Variants in MAP3K13 observed in about 807,000 individuals in gnomAD.
MAP3K13 encodes the protein mitogen-activated protein kinase kinase kinase 13.
Under a neutral mutation model 104.0 loss-of-function variants are expected in MAP3K13, and 52 were observed. That is an observed-to-expected ratio of 0.50 (90% CI 0.40 to 0.63). The LOEUF (loss-of-function observed/expected upper bound fraction) is 0.63. MAP3K13 is among the 20% of genes least tolerant of loss of function. The pLI is 0.00. For missense variants in MAP3K13, 914 were observed against 1,218.5 expected (o/e 0.75, Z 3.72); for synonymous variants, 394 against 442.2 (o/e 0.89, Z 1.37).
intron 2 of MAP3K13, among the ~76,000 whole-genome samples, chr3:185,341,899 T>C (rs953687981): frequency 1.3e-5 from 2 of 152,230 alleles, no homozygotes; most frequent in Non-Finnish European, 2.9e-5. Context: ...CTATAAGGCA[T>C]ACAAATCTAA....
At chr3:185,429,101 A>C (rs765207386) in intron 2 of MAP3K13, 45 bp downstream of exon 2, 1 of 1,545,744 alleles carries the variant, frequency 6.5e-7, no homozygotes, top group Non-Finnish European at 8.8e-7. Flanking sequence ...GTGTAAACAC[A>C]CCATCACCAC....
Position 185,368,726 on chromosome 3 carries a change from G to A in MAP3K13, c.-86+5358G>A, listed in dbSNP as rs190273764. The stretch of plus-strand genomic sequence containing the variant: ...AAGCCCAGCACTCTGAGAGGCCAAG[G>A]CAGGCGGATCACCTGAGGTCAGGAG... On this transcript the variant is annotated intron_variant, in intron 1 of 13. Transcript: ENST00000265026. Among the ~76,000 whole-genome samples the A allele has an allele frequency of 9.6e-4, 146 of 152,262 alleles. 4 individuals carry two copies. The South Asian group carries it at 0.015, about 16-fold the overall frequency.
intron 2 of MAP3K13, among the ~76,000 whole-genome samples, chr3:185,321,895 C>G (rs534438671): frequency 6.6e-6 from 1 of 152,164 alleles, no homozygotes; most frequent in Non-Finnish European, 1.5e-5. Flanking sequence ...TGAGCCACCA[C>G]GCCCGGCCGT....
Position 185,484,878 on chromosome 3 carries a change from A to G in MAP3K13, c.*2422A>G, listed in dbSNP as rs975760274. The G allele has an allele frequency of 1.3e-5, 2 of 152,136 alleles. No individual in the cohort carries two copies. Among genetic ancestry groups the G allele is most frequent in the African/African-American group, 4.8e-5 (2 of 41,418 alleles). The allele number at this position is 152,136 out of a possible 1,614,324, so 9.4% of individuals were successfully genotyped here. On this transcript the variant is annotated 3_prime_UTR_variant, in exon 14 of 14. Coordinates refer to ENST00000265026, the MANE Select transcript of MAP3K13 (RefSeq NM_004721.5). ...TTGTGTTTATTGCTAACCAGGAATTATTATGGATTTTATGATTTTAATGAA... is the reference window on the plus strand; with the variant it reads ...TTGTGTTTATTGCTAACCAGGAATTGTTATGGATTTTATGATTTTAATGAA...
chr3:185,407,188 T>C lies in MAP3K13; in HGVS notation c.-85-21309T>C, dbSNP rs565119251. ...AACCTTGGATATAAATAATGTTTCT[T>C]TTTTAAACCATTTTTTGCCACCACC... On this transcript the variant is annotated intron_variant, in intron 1 of 13. Transcript: ENST00000265026. 2.0e-5 allele frequency among the ~76,000 whole-genome samples: 3 copies of C among 152,300 alleles called. No homozygotes were observed. The South Asian group carries it at 6.2e-4, about 32-fold the overall frequency.
chr3:185,288,520 A>ATATGTG (rs1553784163), intron 2 of MAP3K13, among the ~76,000 whole-genome samples: 1 of 7,894 alleles, frequency 1.3e-4, no homozygotes, highest in Non-Finnish European at 4.5e-4. Flanking sequence ...AAAAGAGAAT[A>ATATGTG]TGTGTGTGTG....
chr3:185,482,627 T>C lies in MAP3K13; in HGVS notation c.*171T>C. On this transcript the variant is annotated 3_prime_UTR_variant, in exon 14 of 14. Coordinates refer to ENST00000265026, the MANE Select transcript of MAP3K13 (RefSeq NM_004721.5). The surrounding 1 kb of genome is among the most constrained non-coding windows in gnomAD (Gnocchi z 4.5). ...TAACAGGAACATGAGACTTCGCAAA[T>C]CTCTGGAAAATAATATCCAAATGAA... is the stretch of plus-strand genomic sequence containing the variant. The C allele has an allele frequency of 1.9e-6, 1 of 531,874 alleles. No homozygotes were observed. Among genetic ancestry groups the C allele is most frequent in the Non-Finnish European group, 3.3e-6 (1 of 300,168 alleles). The allele number at this position is 531,874 out of a possible 1,614,324, so 32.9% of individuals were successfully genotyped here. A position where few individuals can be genotyped will look rare whatever the true frequency, so the allele number is the denominator to read the frequency against.
At chr3:185,331,472 A>G (rs1389468650) in intron 2 of MAP3K13, among the ~76,000 whole-genome samples, 1 of 150,582 alleles carries the variant, frequency 6.6e-6, no homozygotes, top group Non-Finnish European at 1.5e-5. Context: ...GTGTACATAT[A>G]TGTATGCCTG....
At chr3:185,356,961 A>T (rs1723382256) in intron 2 of MAP3K13, among the ~76,000 whole-genome samples, 1 of 152,218 alleles carries the variant, frequency 6.6e-6, no homozygotes, top group Non-Finnish European at 1.5e-5. Flanking sequence ...AAAGGCAGAT[A>T]TCCACTACTC....
rs1354627213 is a variant in MAP3K13 at position 185,484,464 on chromosome 3, GCA to G, written c.*2011_*2012del. 2.0e-5 allele frequency: 3 copies of G among 152,190 alleles called. No individual in the cohort carries two copies. In the East Asian group the frequency reaches 5.8e-4, roughly 29 times the overall value. The allele number at this position is 152,190 out of a possible 1,614,324, so 9.4% of individuals were successfully genotyped here. On this transcript the variant is annotated 3_prime_UTR_variant, in exon 14 of 14. Coordinates refer to ENST00000265026, the MANE Select transcript of MAP3K13 (RefSeq NM_004721.5). ...TCATGTTGGACGTTAGGAAATACTT[GCA>G]CAGACAGCTGTTAAACCATTTCCAA...
rs370860408 is a variant in MAP3K13 at position 185,340,646 on chromosome 3, C to T, written c.-86+55003C>T. Among the ~76,000 whole-genome samples the T allele has an allele frequency of 3.7e-3, 561 of 152,190 alleles. 3 individuals are homozygous for T. The highest frequency in any genetic ancestry group is 0.013 in the African/African-American group (542 of 41,504). Reference sequence around the variant, plus strand: ...CCAAAATTTCATCTTGAATTGTAATCCCCATAATCCTCACGTGTCAAGGGC... The same window carrying T: ...CCAAAATTTCATCTTGAATTGTAATTCCCATAATCCTCACGTGTCAAGGGC... On this transcript the variant is annotated intron_variant, in intron 2 of 14. Coordinates refer to the MAP3K13 transcript ENST00000424227.
At chr3:185,285,205 T>C (rs1720467097) in intron 1 of MAP3K13, among the ~76,000 whole-genome samples, 1 of 152,252 alleles carries the variant, frequency 6.6e-6, no homozygotes, top group African/African-American at 2.4e-5. Flanking sequence ...GTGTTCCCGA[T>C]TTCTGGAAAG....
chr3:185,397,153 G>T (rs73887882), intron 1 of MAP3K13, among the ~76,000 whole-genome samples: 2,104 of 152,174 alleles, frequency 0.014, 45 homozygotes, highest in African/African-American at 0.048. Flanking sequence ...AATCTTTTGT[G>T]CAATTTATCT....
rs1401921389 is a variant in MAP3K13 at position 185,466,839 on chromosome 3, G to A, written c.1519G>A (p.Val507Met). The A allele has an allele frequency of 6.2e-7, 1 of 1,613,990 alleles. No homozygotes were observed. Among genetic ancestry groups the A allele is most frequent in the Non-Finnish European group, 8.5e-7 (1 of 1,179,860 alleles). Residue 507 changes from valine to methionine, a missense_variant, in exon 10 of 14, where the codon GTG (valine) becomes ATG (methionine). Val to Met is a conservative substitution (Grantham distance 21). Coordinates refer to ENST00000265026, the MANE Select transcript of MAP3K13 (RefSeq NM_004721.5). Reference protein sequence around the residue: ...EKELIKREQAVEKKYPGTYKR... With the variant: ...EKELIKREQAMEKKYPGTYKR... The stretch of plus-strand genomic sequence containing the variant: ...TTTATTCTGCAGGCGTGAGCAAGCA[G>A]TGGAAAAGAAGTATCCTGGGACCTA...
At chr3:185,479,311 G>C (rs1273742271) in intron 12 of MAP3K13, among the ~76,000 whole-genome samples, 5 of 152,188 alleles carry the variant, frequency 3.3e-5, no homozygotes, top group Admixed American at 6.5e-5. Context: ...GAGGGATGGA[G>C]GTTAGAGAAG....
intron 1 of MAP3K13, among the ~76,000 whole-genome samples, chr3:185,376,227 G>A (rs1191765935): frequency 6.6e-6 from 1 of 151,466 alleles, no homozygotes; most frequent in Non-Finnish European, 1.5e-5. Flanking sequence ...CAGGAACGAC[G>A]ATAACTGTGG....
rs1372555801 is a variant in MAP3K13, at chr3:185,455,840, TATGA to T, written c.1278+4446_1278+4449del. Among the ~76,000 whole-genome samples the T allele has an allele frequency of 4.0e-3, 458 of 114,232 alleles. 22 individuals carry two copies. Among genetic ancestry groups the T allele is most frequent in the Middle Eastern group, 0.024 (4 of 170 alleles). 74.9% of individuals were successfully genotyped at this position (114,232 alleles called of 152,430 possible). On this transcript the variant is annotated intron_variant, in intron 7 of 13. Coordinates refer to ENST00000265026, the MANE Select transcript of MAP3K13 (RefSeq NM_004721.5). The stretch of plus-strand genomic sequence containing the variant: ...ATATGAGATATATATGAGATATATA[TATGA>T]GATATATATGAGATATATATGAGAT...
At position 185,465,766 on chromosome 3, in the gene MAP3K13, G is replaced by C. The variant is rs1221645538; in HGVS notation, c.1408G>C (p.Glu470Gln). ...TGACAGGCATGCGCTGGATATTCGT[G>C]AACACTATGAGCGGAAGCTTGAGCG... ...EELRHALDIR[E>Q]HYERKLERAN... The change falls in exon 9 of 14, where the codon GAA becomes CAA. Residue 470 changes from glutamate to glutamine, a missense_variant. By Grantham distance (29) the Glu-to-Gln change is conservative (BLOSUM62 2). This residue lies in a region of MAP3K13 where 583 missense variants were observed against 737.4 expected (regional missense o/e 0.79). Coordinates refer to ENST00000265026, the MANE Select transcript of MAP3K13 (RefSeq NM_004721.5). The C allele has an allele frequency of 1.2e-6, 2 of 1,613,724 alleles. No individual in the cohort carries two copies. Among genetic ancestry groups the C allele is most frequent in the African/African-American group, 1.3e-5 (1 of 74,932 alleles).
chr3:185,461,287 A>G (rs1229085974), intron 7 of MAP3K13, among the ~76,000 whole-genome samples: 1 of 152,212 alleles, frequency 6.6e-6, no homozygotes, highest in Admixed American at 6.5e-5. Context: ...GCATTGTTGG[A>G]TAGATTTGCT....
Sources: allele counts gnomAD v4.1 joint callset (sites outside exome capture counted in the v4.1 genomes callset), GRCh38; gene constraint gnomAD v4.1.1; regional missense constraint gnomAD v4.1.1; non-coding constraint Gnocchi (gnomAD v3.1); transcripts MANE v1.5; gene names NCBI Gene and HGNC (gene_info 2026-07-23, HGNC 2026-07-21).